Variants in TSNARE1 observed in about 807,000 individuals in gnomAD.
The protein encoded by TSNARE1 is t-SNARE domain-containing protein 1.
Under a neutral mutation model 62.0 loss-of-function variants are expected in TSNARE1, and 49 were observed. The ratio of observed to expected loss-of-function variants is 0.79; its 90% confidence interval spans 0.63 to 1.00. The LOEUF is 1.00. Among genes scored for constraint, TSNARE1 ranks in the 50% least tolerant of loss-of-function variants. The pLI, the probability that TSNARE1 is intolerant of heterozygous loss-of-function variation, is 0.00. For missense variants in TSNARE1, 755 were observed against 700.1 expected (o/e 1.08, Z -0.88); for synonymous variants, 328 against 294.4 (o/e 1.11, Z -1.17).
At chr8:142,311,863 C>G (rs1317923537) in intron 9 of TSNARE1, among the ~76,000 whole-genome samples, 3 of 152,136 alleles carry the variant, frequency 2.0e-5, no homozygotes, top group Non-Finnish European at 4.4e-5. Flanking sequence ...GGAGATTTAG[C>G]TAACCCACTA....
intron 9 of TSNARE1, among the ~76,000 whole-genome samples, chr8:142,305,295 C>T (rs1043991152): frequency 6.6e-6 from 1 of 151,888 alleles, no homozygotes; most frequent in East Asian, 1.9e-4. Context: ...GGGATTGATG[C>T]CACCTCCTGC....
chr8:142,323,896 C>T (rs1290642164), intron 6 of TSNARE1, among the ~76,000 whole-genome samples: 2 of 152,314 alleles, frequency 1.3e-5, no homozygotes, highest in Non-Finnish European at 2.9e-5. Context: ...TGGGGAACAG[C>T]AGTGGATCCA....
chr8:142,300,785 G>C, intron 9 of TSNARE1, 141 bp from the exon 10 acceptor site: 19 of 825,044 alleles, frequency 2.3e-5, no homozygotes, highest in Admixed American at 1.1e-4. Context: ...TCTGAGGCGG[G>C]GGCCTTCTGC....
intron 12 of TSNARE1, among the ~76,000 whole-genome samples, chr8:142,253,378 A>G (rs933101934): frequency 6.6e-6 from 1 of 152,188 alleles, no homozygotes; most frequent in Non-Finnish European, 1.5e-5. Context: ...GGTTCCGGGC[A>G]TGAGGCCTTC....
intron 1 of TSNARE1, among the ~76,000 whole-genome samples, chr8:142,366,703 G>A (rs902602525): frequency 5.9e-5 from 9 of 152,134 alleles, no homozygotes; most frequent in East Asian, 1.9e-4. Context: ...AACAATTCCC[G>A]AAGATCAAGA....
At chr8:142,285,122 C>T (rs941082505) in intron 10 of TSNARE1, among the ~76,000 whole-genome samples, 2 of 151,526 alleles carry the variant, frequency 1.3e-5, no homozygotes, top group African/African-American at 4.9e-5. Flanking sequence ...GGTGGGTGGA[C>T]AAATGGAATG....
rs538012522 is a variant in TSNARE1, at chr8:142,291,677, CG to C, written c.1291-7193del. On this transcript the variant is annotated intron_variant, in intron 10 of 13. Coordinates refer to ENST00000524325, the MANE Select transcript of TSNARE1 (RefSeq NM_145003.5). This position sits in a 1 kb window ranked among gnomAD's most constrained non-coding sequence, Gnocchi z 4.8. Reference sequence around the variant, plus strand: ...CCTCCGCGGGCTTACGCTCGAGTGGCGAGAGATGAATCCTAACGAGAACCCA... The same window carrying C: ...CCTCCGCGGGCTTACGCTCGAGTGGCAGAGATGAATCCTAACGAGAACCCA... 9.0e-4 allele frequency among the ~76,000 whole-genome samples: 137 copies of C among 152,276 alleles called. No individual in the cohort carries two copies. Among genetic ancestry groups the C allele is most frequent in the Middle Eastern group, 3.4e-3 (1 of 294 alleles).
intron 1 of TSNARE1, among the ~76,000 whole-genome samples, chr8:142,386,929 T>C (rs1423088524): frequency 6.6e-6 from 1 of 152,192 alleles, no homozygotes; most frequent in African/African-American, 2.4e-5. Context: ...GGATTATACA[T>C]GACCTAAATA....
intron 13 of TSNARE1, among the ~76,000 whole-genome samples, chr8:142,225,792 C>A (rs1188162123): frequency 1.3e-5 from 2 of 152,252 alleles, no homozygotes; most frequent in Non-Finnish European, 2.9e-5. Context: ...ATGGCTGCTA[C>A]AACCAAGTAC....
At chr8:142,342,294 C>G (rs1460784569) in intron 4 of TSNARE1, among the ~76,000 whole-genome samples, 1 of 152,250 alleles carries the variant, frequency 6.6e-6, no homozygotes, top group Non-Finnish European at 1.5e-5. Flanking sequence ...CCTCAGCGCC[C>G]GTGACCAGAG....
chr8:142,306,537 C>G (rs1826700336), intron 9 of TSNARE1, among the ~76,000 whole-genome samples: 1 of 152,156 alleles, frequency 6.6e-6, no homozygotes, highest in East Asian at 1.9e-4. Context: ...CAGCCAGGAT[C>G]GCCAACTCCA....
At chr8:142,336,953 G>A (rs1831838004) in intron 4 of TSNARE1, among the ~76,000 whole-genome samples, 1 of 151,764 alleles carries the variant, frequency 6.6e-6, no homozygotes, top group Non-Finnish European at 1.5e-5. Flanking sequence ...GGAAATAACT[G>A]AATGAAATAA....
intron 10 of TSNARE1, among the ~76,000 whole-genome samples, chr8:142,297,309 G>A (rs952448596): frequency 6.6e-6 from 1 of 152,224 alleles, no homozygotes; most frequent in African/African-American, 2.4e-5. Context: ...GACACTCGAG[G>A]AGACCAAGAG....
chr8:142,307,827 C>T (rs116923071), intron 9 of TSNARE1, among the ~76,000 whole-genome samples: 1 of 152,328 alleles, frequency 6.6e-6, no homozygotes, highest in East Asian at 1.9e-4. Flanking sequence ...TGCAAAGGCA[C>T]ACCCCACCAG....
intron 12 of TSNARE1, among the ~76,000 whole-genome samples, chr8:142,236,970 C>T (rs1443586363): frequency 2.0e-5 from 3 of 152,184 alleles, no homozygotes; most frequent in Admixed American, 1.3e-4. Context: ...AAGGTGACTT[C>T]TGAGTCCAGA....
chr8:142,384,861 A>G (rs188574983), intron 1 of TSNARE1, among the ~76,000 whole-genome samples: 4 of 152,364 alleles, frequency 2.6e-5, no homozygotes, highest in Non-Finnish European at 4.4e-5. Context: ...AAACTTTTGT[A>G]CATGAAAGTA....
chr8:142,285,145 GTGGA>G (rs1038100414), intron 10 of TSNARE1, among the ~76,000 whole-genome samples: 11 of 152,170 alleles, frequency 7.2e-5, no homozygotes, highest in East Asian at 3.9e-4. Context: ...GGATGGGTGG[GTGGA>G]TGGATGAATA....
At position 142,318,605 on chromosome 8, in the gene TSNARE1, G is replaced by C; in HGVS notation, c.923C>G (p.Thr308Ser). The change falls in exon 7 of 14, where the codon ACC (threonine) becomes AGC (serine). Residue 308 changes from threonine (T) to serine (S), a missense_variant. Transcript: ENST00000524325. ...LHTAQQETNKTIAASASSVKQ... is the reference protein window; with the variant it reads ...LHTAQQETNKSIAASASSVKQ... ...CACGGAGCTGGCGCTGGCTGCAATG[G>C]TCTTGTTGGTCTCCTGCTGTGCCGT... The C allele has an allele frequency of 1.9e-6, 3 of 1,613,828 alleles. No homozygotes were observed. The highest frequency in any genetic ancestry group is 1.7e-5 in the Admixed American group (1 of 60,010).
chr8:142,224,878 G>A (rs763169810), intron 13 of TSNARE1, among the ~76,000 whole-genome samples: 14 of 152,156 alleles, frequency 9.2e-5, no homozygotes, highest in South Asian at 2.1e-4. Context: ...GGCTGAGCCC[G>A]CGGGGAGTGG....
Sources: gnomAD v4.1 joint callset for allele counts (sites outside exome capture counted in the v4.1 genomes callset) on GRCh38, gnomAD v4.1.1 for gene constraint, Gnocchi (gnomAD v3.1) non-coding constraint, MANE v1.5 for transcripts, NCBI Gene and HGNC (gene_info 2026-07-23, HGNC 2026-07-21) for gene names.